HOMER1: variants seen among roughly 807,000 people sequenced by gnomAD.
The protein encoded by HOMER1 is homer scaffold protein 1.
A neutral mutation model predicts 48.9 loss-of-function variants in HOMER1; 3 were observed. That is an observed-to-expected ratio of 0.06 (90% CI 0.03 to 0.16). The LOEUF (loss-of-function observed/expected upper bound fraction) is 0.16, where lower values mean the gene tolerates loss of function less well. Ranked by LOEUF, HOMER1 falls within the 10% of genes least tolerant of loss-of-function variation. HOMER1 has a pLI of 1.00. For synonymous variants in HOMER1, 134 were observed against 146.4 expected, an observed-to-expected ratio of 0.92 and a Z score of 0.61; for missense variants, 247 against 411.4, an observed-to-expected ratio of 0.60 and a Z score of 3.46.
At chr5:79,391,524 C>T (rs909181192) in intron 8 of HOMER1, among the ~76,000 whole-genome samples, 6 of 151,482 alleles carry the variant, frequency 4.0e-5, no homozygotes, top group Non-Finnish European at 8.8e-5. Flanking sequence ...GTGGGCAGAT[C>T]ACGAAGTCAG....
At chr5:79,430,894 G>A (rs1750404212) in intron 5 of HOMER1, among the ~76,000 whole-genome samples, 1 of 151,552 alleles carries the variant, frequency 6.6e-6, no homozygotes, top group Non-Finnish European at 1.5e-5. Context: ...CTGAGATCCA[G>A]CCTGGCAACA....
intron 3 of HOMER1, among the ~76,000 whole-genome samples, chr5:79,447,404 GC>G (rs1365199106): frequency 6.6e-6 from 1 of 152,140 alleles, no homozygotes; most frequent in Non-Finnish European, 1.5e-5. Flanking sequence ...GAGTCAGCTA[GC>G]TTACCTAAAG....
At chr5:79,450,950 A>T in intron 3 of HOMER1, 40 bp downstream of exon 3, 1 of 1,589,046 alleles carries the variant, frequency 6.3e-7, no homozygotes, top group Non-Finnish European at 8.6e-7. Flanking sequence ...ATACGACTTG[A>T]AGATGAAGAT....
chr5:79,487,282 A>G (rs914163330), intron 1 of HOMER1, among the ~76,000 whole-genome samples: 3 of 152,122 alleles, frequency 2.0e-5, no homozygotes, highest in African/African-American at 7.3e-5. Context: ...CATCTCAAAA[A>G]AGAAAGAAAG....
chr5:79,450,519 G>C, intron 3 of HOMER1, among the ~76,000 whole-genome samples: 1 of 152,134 alleles, frequency 6.6e-6, no homozygotes, highest in East Asian at 1.9e-4. Context: ...CACTGCATCA[G>C]AGCTCGGAGT....
intron 5 of HOMER1, among the ~76,000 whole-genome samples, chr5:79,431,002 C>A (rs10474584): frequency 0.63 from 96,315 of 151,982 alleles, 33,708 homozygotes; most frequent in East Asian, 0.99. Flanking sequence ...AAGGAAATGA[C>A]ATACTGATAC....
chr5:79,496,550 A>T (rs1194880780), intron 1 of HOMER1, among the ~76,000 whole-genome samples: 1 of 152,132 alleles, frequency 6.6e-6, no homozygotes, highest in African/African-American at 2.4e-5. Context: ...GACCTCCCCA[A>T]ACTTGGGGAC....
chr5:79,405,271 G>A (rs1013939388), intron 5 of HOMER1, among the ~76,000 whole-genome samples: 1 of 152,088 alleles, frequency 6.6e-6, no homozygotes, highest in East Asian at 1.9e-4. Flanking sequence ...GAGAGGCCTC[G>A]GAAGAAATGA....
chr5:79,399,782 T>C (rs1749486057), intron 6 of HOMER1, among the ~76,000 whole-genome samples: 1 of 152,064 alleles, frequency 6.6e-6, no homozygotes, highest in Non-Finnish European at 1.5e-5. Context: ...ATGTAACTTA[T>C]AATCAAGACA....
At chr5:79,479,576 C>T (rs1333065143) in intron 1 of HOMER1, among the ~76,000 whole-genome samples, 4 of 152,138 alleles carry the variant, frequency 2.6e-5, no homozygotes, top group Non-Finnish European at 4.4e-5. Context: ...GAACCATTGT[C>T]CCCTACAGCC....
chr5:79,504,442 G>C (rs1580046774), intron 1 of HOMER1, among the ~76,000 whole-genome samples: 1 of 149,830 alleles, frequency 6.7e-6, no homozygotes, highest in Non-Finnish European at 1.5e-5. Context: ...GAAAGGTAAA[G>C]GGATAGGCTA....
chr5:79,438,935 T>A, intron 5 of HOMER1, 75 bp downstream of exon 5: 3 of 1,213,386 alleles, frequency 2.5e-6, no homozygotes, highest in Non-Finnish European at 3.5e-6. Context: ...AGCTTGTAAC[T>A]ACAAGGGTTC....
chr5:79,419,321 A>G (rs1001720944), intron 5 of HOMER1, among the ~76,000 whole-genome samples: 5 of 152,222 alleles, frequency 3.3e-5, no homozygotes, highest in African/African-American at 9.6e-5. Context: ...GGATGAATGC[A>G]GATTCTACTA....
chr5:79,474,050 TAGAG>T (rs1243266479), intron 1 of HOMER1, among the ~76,000 whole-genome samples: 5 of 151,852 alleles, frequency 3.3e-5, no homozygotes, highest in South Asian at 2.1e-4. Context: ...AAGAAAAAAA[TAGAG>T]AGGCTCTCAG....
chr5:79,418,053 AGAG>A (rs1389584176), intron 5 of HOMER1, among the ~76,000 whole-genome samples: 1 of 152,240 alleles, frequency 6.6e-6, no homozygotes, highest in Non-Finnish European at 1.5e-5. Context: ...TTGTTTTTGA[AGAG>A]GAGGCCAGAA....
intron 1 of HOMER1, among the ~76,000 whole-genome samples, chr5:79,476,561 C>T (rs1193283408): frequency 6.6e-6 from 1 of 151,930 alleles, no homozygotes; most frequent in Non-Finnish European, 1.5e-5. Flanking sequence ...TCTTTGAGTT[C>T]GATTAATTTG....
chr5:79,396,264 A>G (rs142917300), intron 8 of HOMER1, among the ~76,000 whole-genome samples: 26 of 151,872 alleles, frequency 1.7e-4, no homozygotes, highest in Non-Finnish European at 3.4e-4. Flanking sequence ...GGGCACAACT[A>G]TTGGTATAAT....
chr5:79,387,182 C>CACGTTTCTTTCTTTCACA (rs1749140981), intron 8 of HOMER1, among the ~76,000 whole-genome samples: 1 of 151,840 alleles, frequency 6.6e-6, no homozygotes, highest in South Asian at 2.1e-4. Context: ...CCCAGACGTG[C>CACGTTTCTTTCTTTCACA]AGTGGTGCAA....
At chr5:79,416,854 G>C (rs1749955852) in intron 5 of HOMER1, among the ~76,000 whole-genome samples, 1 of 152,192 alleles carries the variant, frequency 6.6e-6, no homozygotes, top group Non-Finnish European at 1.5e-5. Flanking sequence ...TTAGGAAGGA[G>C]ATGTGGATAC....
Sources: gnomAD v4.1 joint callset for allele counts (sites outside exome capture counted in the v4.1 genomes callset) on GRCh38, gnomAD v4.1.1 for gene constraint, MANE v1.5 for transcripts, NCBI Gene and HGNC (gene_info 2026-07-23, HGNC 2026-07-21) for gene names.